Variants in SASH1 observed in about 807,000 individuals in gnomAD.
The protein encoded by SASH1 is SAM and SH3 domain containing 1.
A neutral mutation model predicts 125.2 loss-of-function variants in SASH1; 44 were observed. The ratio of observed to expected loss-of-function variants is 0.35; its 90% CI spans 0.28 to 0.45. SASH1 has a LOEUF of 0.45. Among genes scored for constraint, SASH1 ranks in the 20% least tolerant of loss-of-function variants. The pLI is 1.00. For synonymous variants in SASH1, 639 were observed against 649.1 expected, an observed-to-expected ratio of 0.98 and a Z score of 0.24; for missense variants, 1,426 against 1,614.5, an observed-to-expected ratio of 0.88 and a Z score of 2.00.
chr6:148,453,541 G>A (rs1363051264), intron 4 of SASH1, among the ~76,000 whole-genome samples: 1 of 152,088 alleles, frequency 6.6e-6, no homozygotes, highest in Non-Finnish European at 1.5e-5. Context: ...GCTGGATTCT[G>A]AATCCAGCTC....
At chr6:148,240,655 A>G in the SASH1 span, among the ~76,000 whole-genome samples, 1 of 152,112 alleles carries the variant, frequency 6.6e-6, no homozygotes, top group African/African-American at 2.4e-5. Context: ...TACCACATGC[A>G]TTTCTCTATG....
At chr6:148,220,411 C>T in the SASH1 span, among the ~76,000 whole-genome samples, 1 of 152,208 alleles carries the variant, frequency 6.6e-6, no homozygotes. Context: ...TGGACTTAAT[C>T]ATCCATGACA....
chr6:148,515,183 T>C (rs1188339679), intron 9 of SASH1, among the ~76,000 whole-genome samples: 1 of 152,080 alleles, frequency 6.6e-6, no homozygotes, highest in East Asian at 1.9e-4. Flanking sequence ...AAAGGTAAAA[T>C]GAAAGAATAA....
chr6:148,467,361 A>G (rs988801626), intron 4 of SASH1, among the ~76,000 whole-genome samples: 1 of 151,714 alleles, frequency 6.6e-6, no homozygotes, highest in Non-Finnish European at 1.5e-5. Context: ...TCCCTTTTTG[A>G]TACAACCAAT....
In SASH1 at chr6:148,543,993, T is replaced by A. The variant is rs753878300; in HGVS notation, c.2523T>A (p.Asp841Glu). 1 of 1,614,128 alleles carries A rather than the reference T, an allele frequency of 6.2e-7. No individual in the cohort carries two copies. Among genetic ancestry groups the A allele is most frequent in the Non-Finnish European group, 8.5e-7 (1 of 1,180,028 alleles). ...VDTWPRSHSL[D>E]DLQVEPGAEQ... Reference sequence around the variant, plus strand: ...CTTGGCCCCGATCCCATTCCCTGGATGACCTTCAAGTGGAGCCTGGTGCTG... The same window carrying A: ...CTTGGCCCCGATCCCATTCCCTGGAAGACCTTCAAGTGGAGCCTGGTGCTG... Residue 841 changes from aspartate (D) to glutamate (E), a missense_variant, in exon 18 of 20, where the codon GAT (aspartate) becomes GAA (glutamate). Transcript: ENST00000367467.
intron 7 of SASH1, among the ~76,000 whole-genome samples, chr6:148,478,437 C>G (rs1250752109): frequency 6.6e-6 from 1 of 152,166 alleles, no homozygotes; most frequent in African/African-American, 2.4e-5. Context: ...GAAAGTCAAA[C>G]TGCACAAGTT....
rs1202830639 is a variant in SASH1 at position 148,540,308 on chromosome 6, C to CTCA, written c.2096-132_2096-130dup. The CTCA allele has an allele frequency of 1.1e-5, 7 of 646,494 alleles. No homozygotes were observed. The African/African-American group carries it at 1.3e-4, about 12-fold the overall frequency. The allele number at this position is 646,494 out of a possible 1,614,324, so 40.0% of individuals were successfully genotyped here. A position where few individuals can be genotyped will look rare whatever the true frequency, so the allele number is the denominator to read the frequency against. ...TGTGATCACACTAGTTCATTTTGAT[C>CTCA]TCATCTATTTTAAGATAAATTGTTC... On this transcript the variant is annotated intron_variant, in intron 16 of 19. Coordinates refer to ENST00000367467, the MANE Select transcript of SASH1 (RefSeq NM_015278.5).
intron 8 of SASH1, among the ~76,000 whole-genome samples, chr6:148,502,021 C>A (rs1476653871): frequency 6.6e-6 from 1 of 152,208 alleles, no homozygotes. Flanking sequence ...TAAGTGCTGA[C>A]AAGCCTTTGC....
At chr6:148,210,953 A>G in the SASH1 span, among the ~76,000 whole-genome samples, 2 of 152,232 alleles carry the variant, frequency 1.3e-5, no homozygotes, top group Admixed American at 1.3e-4. Flanking sequence ...TCTGTTAAAA[A>G]AGAAAACATT....
At chr6:148,522,094 C>T (rs1780850821) in intron 10 of SASH1, among the ~76,000 whole-genome samples, 1 of 152,202 alleles carries the variant, frequency 6.6e-6, no homozygotes, top group South Asian at 2.1e-4. Flanking sequence ...CATCTCCAGG[C>T]ACCGCCCCCA....
intron 2 of SASH1, among the ~76,000 whole-genome samples, chr6:148,394,175 G>C (rs1431963356): frequency 2.0e-5 from 3 of 152,146 alleles, no homozygotes. Flanking sequence ...TTACAGGCGT[G>C]AGTCACTGCG....
chr6:148,303,782 AAAAT>A (rs201590424), intron 1 of SASH1, among the ~76,000 whole-genome samples: 7,604 of 147,320 alleles, frequency 0.052, 218 homozygotes, highest in South Asian at 0.079. Flanking sequence ...CTGTCTCAAC[AAAAT>A]AAATAAATAA....
intron 2 of SASH1, among the ~76,000 whole-genome samples, chr6:148,390,714 G>A (rs946962025): frequency 6.6e-6 from 1 of 151,920 alleles, no homozygotes; most frequent in Non-Finnish European, 1.5e-5. Flanking sequence ...CGTGAACCTG[G>A]GTGGCAGAGC....
chr6:148,533,740 A>C lies in SASH1; in HGVS notation c.1735-31A>C. 1 of 1,574,314 alleles carries C rather than the reference A, an allele frequency of 6.4e-7. No individual in the cohort carries two copies. The highest frequency in any genetic ancestry group is 8.7e-7 in the Non-Finnish European group (1 of 1,147,284). The stretch of plus-strand genomic sequence containing the variant: ...ATTTGTACGTTCATGGAATGTACCT[A>C]ATGGAAAGATCTTTGCTCCCTGGGC... On this transcript the variant is annotated intron_variant, in intron 14 of 19. Coordinates refer to ENST00000367467, the MANE Select transcript of SASH1 (RefSeq NM_015278.5). The surrounding 1 kb of genome is among the most constrained non-coding windows in gnomAD (Gnocchi z 6.2).
intron 1 of SASH1, among the ~76,000 whole-genome samples, chr6:148,292,667 C>G (rs949544491): frequency 2.0e-5 from 3 of 152,126 alleles, no homozygotes; most frequent in Non-Finnish European, 4.4e-5. Flanking sequence ...ACTCAGTTCC[C>G]CTCTCCAGCA....
the SASH1 span, among the ~76,000 whole-genome samples, chr6:148,221,836 G>T: frequency 1.3e-5 from 2 of 152,242 alleles, no homozygotes; most frequent in Non-Finnish European, 2.9e-5. Flanking sequence ...ACTTCACAGT[G>T]ACTGAGTCTT....
chr6:148,513,438 G>A (rs1780267093), intron 8 of SASH1: 1 of 985,350 alleles, frequency 1.0e-6, no homozygotes, highest in Admixed American at 6.1e-5. Flanking sequence ...ATTTTGAACA[G>A]ATACAACAGA....
At chr6:148,490,880 G>C (rs997994869) in intron 8 of SASH1, among the ~76,000 whole-genome samples, 1 of 151,966 alleles carries the variant, frequency 6.6e-6, no homozygotes, top group African/African-American at 2.4e-5. Flanking sequence ...AGACATATTG[G>C]ACCCCATATG....
chr6:148,494,872 C>T (rs561593028), intron 8 of SASH1, among the ~76,000 whole-genome samples: 1 of 152,336 alleles, frequency 6.6e-6, no homozygotes, highest in East Asian at 1.9e-4. Context: ...TGAGGACTTC[C>T]AAGGTCTCAA....
Sources: gnomAD v4.1 joint callset for allele counts (sites outside exome capture counted in the v4.1 genomes callset) on GRCh38, gnomAD v4.1.1 for gene constraint, Gnocchi (gnomAD v3.1) non-coding constraint, MANE v1.5 for transcripts, NCBI Gene and HGNC (gene_info 2026-07-23, HGNC 2026-07-21) for gene names.